Variants in TENM2 observed in about 807,000 individuals in gnomAD.
The protein encoded by TENM2 is teneurin-2.
A neutral mutation model predicts 245.2 loss-of-function variants in TENM2; 52 were observed. That is an observed-to-expected ratio of 0.21 (90% confidence interval 0.17 to 0.27). TENM2 has a LOEUF of 0.27. Ranked by LOEUF, TENM2 falls within the 10% of genes least tolerant of loss-of-function variation. The pLI is 1.00. For synonymous variants in TENM2, 1,363 were observed against 1,438.9 expected (o/e 0.95, Z 1.19); for missense variants, 3,046 against 3,666.8 (o/e 0.83, Z 4.37).
At chr5:168,047,168 G>T (rs1788677823) in intron 5 of TENM2, among the ~76,000 whole-genome samples, 1 of 152,182 alleles carries the variant, frequency 6.6e-6, no homozygotes. Context: ...GATCTGGGCT[G>T]TGTTTTCTCC....
In TENM2 at chr5:168,247,097, A is replaced by C; in HGVS notation, c.6158A>C (p.Asn2053Thr). The C allele has an allele frequency of 6.2e-7, 1 of 1,613,840 alleles. No individual in the cohort carries two copies. Among genetic ancestry groups the C allele is most frequent in the Non-Finnish European group, 8.5e-7 (1 of 1,179,876 alleles). Residue 2053 changes from asparagine (N) to threonine (T), a missense_variant, in exon 27 of 29, where the codon AAC becomes ACC. Coordinates refer to ENST00000518659, the Ensembl canonical transcript of TENM2. The surrounding 1 kb of genome is among the most constrained non-coding windows in gnomAD (Gnocchi z 7.8). Reference sequence around the variant, plus strand: ...ACCACTGGTGTCTTGAAGATGGTCAACCTCCAAAGTGGGGGCTTCTCCTGC... The same window carrying C: ...ACCACTGGTGTCTTGAAGATGGTCACCCTCCAAAGTGGGGGCTTCTCCTGC...
At chr5:167,978,456 G>A (rs1782600190) in intron 4 of TENM2, among the ~76,000 whole-genome samples, 2 of 152,210 alleles carry the variant, frequency 1.3e-5, no homozygotes, top group African/African-American at 4.8e-5. Flanking sequence ...GGAATGAAGT[G>A]CTGATACATG....
chr5:167,826,095 A>G (rs182136599), intron 2 of TENM2, among the ~76,000 whole-genome samples: 1 of 152,206 alleles, frequency 6.6e-6, no homozygotes, highest in Non-Finnish European at 1.5e-5. Context: ...TGTGCAAAAA[A>G]ACAAACAAAC....
At chr5:168,128,751 AT>A (rs1796031831) in intron 12 of TENM2, 1 of 152,224 alleles carries the variant, frequency 6.6e-6, no homozygotes, top group African/African-American at 2.4e-5. Context: ...TAGTTTTTAC[AT>A]TTTCTAAGGG....
chr5:168,078,911 G>T (rs1240962614), intron 7 of TENM2, among the ~76,000 whole-genome samples: 1 of 152,102 alleles, frequency 6.6e-6, no homozygotes, highest in Non-Finnish European at 1.5e-5. Flanking sequence ...TTGGCAATGT[G>T]GGCTCTTTTT....
chr5:167,371,836 A>G (rs980228824), intron 1 of TENM2, among the ~76,000 whole-genome samples: 40 of 152,136 alleles, frequency 2.6e-4, no homozygotes, highest in African/African-American at 8.9e-4. Context: ...ATATTTGTTG[A>G]GTGATTTAAT....
intron 1 of TENM2, among the ~76,000 whole-genome samples, chr5:167,364,615 T>C (rs1330743117): frequency 1.3e-5 from 2 of 152,062 alleles, no homozygotes; most frequent in African/African-American, 4.8e-5. Flanking sequence ...TGGAAATAGA[T>C]GAGTCACACG....
At chr5:167,430,312 G>A (rs893524494) in intron 2 of TENM2, among the ~76,000 whole-genome samples, 1 of 152,090 alleles carries the variant, frequency 6.6e-6, no homozygotes, top group African/African-American at 2.4e-5. Context: ...AAACTCGTAC[G>A]GTAGAGATTA....
rs144903132 is a variant in TENM2, at chr5:168,059,567, G to A, written c.1310-2493G>A. ...GCCCACACACTCTTCTTCCCCAGGC[G>A]GCTCTCTTACTATGTCCCTTCCTTA... is the stretch of plus-strand genomic sequence containing the variant. On this transcript the variant is annotated intron_variant, in intron 6 of 28. Coordinates refer to ENST00000518659, the Ensembl canonical transcript of TENM2. Among the ~76,000 whole-genome samples the A allele has an allele frequency of 6.6e-3, 997 of 151,800 alleles. 9 individuals are homozygous for A. The highest frequency in any genetic ancestry group is 0.023 in the African/African-American group (955 of 41,396).
In TENM2 at chr5:168,247,148, C is replaced by A; in HGVS notation, c.6209C>A (p.Pro2070His). The change falls in exon 27 of 29, where the codon CCC becomes CAC. Residue 2070 changes from proline to histidine, a missense_variant. Pro to His is a moderately conservative substitution (Grantham distance 77, BLOSUM62 -2). Transcript: ENST00000518659. The surrounding 1 kb of genome is among the most constrained non-coding windows in gnomAD (Gnocchi z 7.8). ...ACCATCAGGTACCGGAAGATTGGCC[C>A]CCTGGTGGACAAGCAGATCTACAGG... 1 of 1,613,742 alleles carries A rather than the reference C, an allele frequency of 6.2e-7. No individual in the cohort carries two copies. Among genetic ancestry groups the A allele is most frequent in the Non-Finnish European group, 8.5e-7 (1 of 1,179,872 alleles).
chr5:167,958,869 C>T (rs1000739223), intron 4 of TENM2, among the ~76,000 whole-genome samples: 17 of 152,184 alleles, frequency 1.1e-4, no homozygotes, highest in Non-Finnish European at 2.4e-4. Context: ...TGATGAGCTT[C>T]CTTTTGTGGG....
chr5:167,094,640 G>T, the TENM2 span, among the ~76,000 whole-genome samples: 1 of 152,166 alleles, frequency 6.6e-6, no homozygotes, highest in Non-Finnish European at 1.5e-5. Context: ...TGATCATGTT[G>T]AAATGGTTTA....
At chr5:167,942,925 A>T (rs996593621) in intron 3 of TENM2, among the ~76,000 whole-genome samples, 1 of 152,040 alleles carries the variant, frequency 6.6e-6, no homozygotes, top group Non-Finnish European at 1.5e-5. Flanking sequence ...ATCTTGGGTA[A>T]TTACTTGTGT....
At chr5:167,059,287 C>T in the TENM2 span, among the ~76,000 whole-genome samples, 7 of 152,020 alleles carry the variant, frequency 4.6e-5, no homozygotes. Context: ...TTAGAAGCTC[C>T]CATTTATGTC....
chr5:167,433,258 T>G (rs551631377), intron 2 of TENM2, among the ~76,000 whole-genome samples: 1 of 152,260 alleles, frequency 6.6e-6, no homozygotes, highest in Non-Finnish European at 1.5e-5. Context: ...TAATACAGAT[T>G]AAATATCGTG....
intron 27 of TENM2, among the ~76,000 whole-genome samples, chr5:168,258,678 C>T (rs1767909369): frequency 6.6e-6 from 1 of 152,072 alleles, no homozygotes; most frequent in East Asian, 1.9e-4. Flanking sequence ...GTCAAATGTC[C>T]AAAACAGGTA....
intron 3 of TENM2, among the ~76,000 whole-genome samples, chr5:167,881,960 C>A (rs1773916010): frequency 6.6e-6 from 1 of 152,078 alleles, no homozygotes; most frequent in Non-Finnish European, 1.5e-5. Context: ...ATCATCATAC[C>A]CATTTTCTAG....
intron 1 of TENM2, among the ~76,000 whole-genome samples, chr5:167,352,598 G>A (rs1003248848): frequency 6.6e-6 from 1 of 152,082 alleles, no homozygotes; most frequent in African/African-American, 2.4e-5. Flanking sequence ...AGGATTTTAG[G>A]CTTCTGCTCC....
intron 2 of TENM2, among the ~76,000 whole-genome samples, chr5:167,473,613 T>C (rs2127516234): frequency 6.6e-6 from 1 of 152,114 alleles, no homozygotes; most frequent in Non-Finnish European, 1.5e-5. Context: ...GAAATGCCTA[T>C]ATAATGGTGG....
Sources: allele counts gnomAD v4.1 joint callset (sites outside exome capture counted in the v4.1 genomes callset), GRCh38; gene constraint gnomAD v4.1.1; non-coding constraint Gnocchi (gnomAD v3.1); transcripts MANE v1.5; gene names NCBI Gene and HGNC (gene_info 2026-07-23, HGNC 2026-07-21).